The following SAV1 variants were observed in gnomAD, a reference collection of about 807,000 sequenced individuals.
The protein encoded by SAV1 is protein salvador homolog 1.
SAV1 carries 23 observed loss-of-function variants against 47.3 expected under a neutral mutation model. That is an observed-to-expected ratio of 0.49 (90% CI 0.35 to 0.69). The LOEUF is 0.69. Ranked by LOEUF, SAV1 falls within the 30% of genes least tolerant of loss-of-function variation. The pLI is 0.01. For synonymous variants in SAV1, 155 were observed against 159.2 expected, an observed-to-expected ratio of 0.97 and a Z score of 0.20; for missense variants, 448 against 457.4, an observed-to-expected ratio of 0.98 and a Z score of 0.19.
chr14:50,659,862 G>T (rs1404380018), intron 2 of SAV1, among the ~76,000 whole-genome samples: 1 of 152,010 alleles, frequency 6.6e-6, no homozygotes, highest in Non-Finnish European at 1.5e-5. Flanking sequence ...AAATAGAAGA[G>T]AAGAACAAGA....
At chr14:50,654,389 T>C (rs926286283) in intron 2 of SAV1, among the ~76,000 whole-genome samples, 1 of 152,232 alleles carries the variant, frequency 6.6e-6, no homozygotes, top group South Asian at 2.1e-4. Context: ...AAGCAACTCA[T>C]CTGTTCAAGT....
Position 50,640,804 on chromosome 14 carries a change from T to C in SAV1, c.896A>G (p.Tyr299Cys), listed in dbSNP as rs759533785. ...CCAGTCAGGAATTTCTGCAGTATGA[T>C]ATGGATTTGCAGGTACCAGAAGGGA... ...NQSLLVPANP[Y>C]HTAEIPDWLQ... Residue 299 changes from tyrosine to cysteine, a missense_variant, in exon 4 of 5, where the codon TAT becomes TGT. By Grantham distance (194) the Tyr-to-Cys change is radical. Coordinates refer to ENST00000324679, the MANE Select transcript of SAV1 (RefSeq NM_021818.4). 6.2e-7 allele frequency: 1 copy of C among 1,613,938 alleles called. No individual in the cohort carries two copies. Among genetic ancestry groups the C allele is most frequent in the Non-Finnish European group, 8.5e-7 (1 of 1,179,916 alleles).
Position 50,667,977 on chromosome 14 carries a change from C to T in SAV1, c.-10G>A. On this transcript the variant is annotated 5_prime_UTR_variant, in exon 1 of 5. Transcript: ENST00000324679. ...TCTTTCGGGACAGCATCCTTCTCGACGAGGCCCGAGGCCGCGCTGAACTGC... is the reference window on the plus strand; with the variant it reads ...TCTTTCGGGACAGCATCCTTCTCGATGAGGCCCGAGGCCGCGCTGAACTGC... 6.2e-7 allele frequency: 1 copy of T among 1,605,976 alleles called. No individual in the cohort carries two copies. The highest frequency in any genetic ancestry group is 8.5e-7 in the Non-Finnish European group (1 of 1,176,658).
Position 50,668,090 on chromosome 14 carries a change from C to T in SAV1, c.-123G>A. The T allele has an allele frequency of 1.9e-6, 1 of 529,194 alleles. No homozygotes were observed. Among genetic ancestry groups the T allele is most frequent in the Non-Finnish European group, 2.8e-6 (1 of 351,268 alleles). 32.8% of individuals were successfully genotyped at this position (529,194 alleles called of 1,614,324 possible). A position where few individuals can be genotyped will look rare whatever the true frequency, so the allele number is the denominator to read the frequency against. ...CTCCTTCCCTCCCGAGCCGCCGCCT[C>T]CGCCGCCGCCTGTCCGGAGCCCGGG... On this transcript the variant is annotated 5_prime_UTR_variant, in exon 1 of 5. Coordinates refer to ENST00000324679, the MANE Select transcript of SAV1 (RefSeq NM_021818.4).
chr14:50,662,503 A>T (rs995146962), intron 2 of SAV1: 7 of 152,188 alleles, frequency 4.6e-5, no homozygotes, highest in Non-Finnish European at 7.3e-5. Flanking sequence ...CTTGAATCTG[A>T]AAACGTATGC....
rs2039895690 is a variant in SAV1, at chr14:50,665,595, T to C, written c.119A>G (p.His40Arg). The C allele has an allele frequency of 1.9e-5, 30 of 1,609,944 alleles. No individual in the cohort carries two copies. The highest frequency in any genetic ancestry group is 2.2e-5 in the Non-Finnish European group (26 of 1,177,854). ...AGTTCGTCTTGGAATTGTTGGACCATGCCGGATGAATGAAGGCATAAGATC... is the reference window on the plus strand; with the variant it reads ...AGTTCGTCTTGGAATTGTTGGACCACGCCGGATGAATGAAGGCATAAGATC... Reference protein sequence around the residue: ...LRNLMPSFIRHGPTIPRRTDI... With the variant: ...LRNLMPSFIRRGPTIPRRTDI... Residue 40 changes from histidine (H) to arginine (R), a missense_variant, in exon 2 of 5, where the codon CAT becomes CGT. Coordinates refer to ENST00000324679, the MANE Select transcript of SAV1 (RefSeq NM_021818.4).
intron 1 of SAV1, among the ~76,000 whole-genome samples, chr14:50,666,117 CT>C (rs1362608596): frequency 6.6e-6 from 1 of 152,070 alleles, no homozygotes; most frequent in African/African-American, 2.4e-5. Flanking sequence ...AAGTGGATTC[CT>C]TTAAAAATTA....
intron 2 of SAV1, among the ~76,000 whole-genome samples, chr14:50,657,089 C>T (rs2039819578): frequency 6.8e-6 from 1 of 147,806 alleles, no homozygotes; most frequent in African/African-American, 2.5e-5. Flanking sequence ...GGCAGTGGCA[C>T]AATCTTGGCT....
chr14:50,667,340 G>A (rs1213707090), intron 1 of SAV1: 7 of 448,470 alleles, frequency 1.6e-5, no homozygotes, highest in Admixed American at 1.4e-4. Flanking sequence ...AGAGTGATGA[G>A]GCTTTGGGTG....
intron 4 of SAV1, among the ~76,000 whole-genome samples, chr14:50,640,498 C>T (rs1157346181): frequency 1.3e-5 from 2 of 152,166 alleles, no homozygotes; most frequent in African/African-American, 2.4e-5. Flanking sequence ...AAGTTTCTTA[C>T]TTGTATCCCT....
chr14:50,668,036 T>A lies in SAV1; in HGVS notation c.-69A>T. The A allele has an allele frequency of 8.4e-7, 1 of 1,193,714 alleles. No individual in the cohort carries two copies. The highest frequency in any genetic ancestry group is 2.1e-5 in the South Asian group (1 of 48,160). The allele number at this position is 1,193,714 out of a possible 1,614,324, so 73.9% of individuals were successfully genotyped here. A position where few individuals can be genotyped will look rare whatever the true frequency, so the allele number is the denominator to read the frequency against. ...GGCTCCGCGCCGGGCGCCGGCCGTC[T>A]CCGCCGCCACCTCCGCCGGCGCCGC... On this transcript the variant is annotated 5_prime_UTR_variant, in exon 1 of 5. It introduces an in-frame stop codon into an upstream open reading frame of the 5' UTR. Transcript: ENST00000324679.
rs920594835 is a variant in SAV1, at chr14:50,667,658, G to T, written c.94+216C>A. ...CTGTTATTTTTAGGGGGTGCTCTTG[G>T]GGGGGTTAGGCGCGGGGGGGACTAA... On this transcript the variant is annotated intron_variant, in intron 1 of 4. Coordinates refer to ENST00000324679, the MANE Select transcript of SAV1 (RefSeq NM_021818.4). Among the ~76,000 whole-genome samples the T allele has an allele frequency of 5.3e-5, 8 of 150,890 alleles. No individual in the cohort carries two copies. The South Asian group carries it at 1.5e-3, about 28-fold the overall frequency.
In SAV1 at chr14:50,665,544, G is replaced by C; in HGVS notation, c.170C>G (p.Pro57Arg). The change falls in exon 2 of 5, where the codon CCT (proline) becomes CGT (arginine). Residue 57 changes from proline (P) to arginine (R), a missense_variant. Coordinates refer to ENST00000324679, the MANE Select transcript of SAV1 (RefSeq NM_021818.4). ...RTDICLPDSS[P>R]NAFSTSGDVV... ...ATCTCCAGAAGTTGAAAAGGCATTA[G>C]GGCTTGAATCTGGAAGACAGATATC... 2 of 1,614,048 alleles carry C rather than the reference G, an allele frequency of 1.2e-6. No individual in the cohort carries two copies. The highest frequency in any genetic ancestry group is 8.5e-7 in the Non-Finnish European group (1 of 1,179,928).
chr14:50,640,503 A>T (rs941402750), intron 4 of SAV1, among the ~76,000 whole-genome samples: 3 of 152,230 alleles, frequency 2.0e-5, no homozygotes, highest in Non-Finnish European at 4.4e-5. Context: ...TCTTACTTGT[A>T]TCCCTAATAG....
chr14:50,640,453 C>G (rs1285078878), intron 4 of SAV1, among the ~76,000 whole-genome samples: 1 of 152,178 alleles, frequency 6.6e-6, no homozygotes, highest in Non-Finnish European at 1.5e-5. Flanking sequence ...TACTGTATCA[C>G]TTATTTACAA....
chr14:50,655,465 C>T (rs1159455310), intron 2 of SAV1, among the ~76,000 whole-genome samples: 1 of 151,122 alleles, frequency 6.6e-6, no homozygotes, highest in Non-Finnish European at 1.5e-5. Context: ...CTAGCCTCGT[C>T]CCCCAGGCTA....
intron 2 of SAV1, among the ~76,000 whole-genome samples, chr14:50,661,189 C>A (rs532257935): frequency 2.6e-5 from 4 of 152,308 alleles, no homozygotes; most frequent in Non-Finnish European, 4.4e-5. Flanking sequence ...GTGGTTTTCA[C>A]TTACATTTCC....
chr14:50,656,513 G>A (rs569917990), intron 2 of SAV1, among the ~76,000 whole-genome samples: 1 of 144,366 alleles, frequency 6.9e-6, no homozygotes, highest in East Asian at 2.0e-4. Flanking sequence ...CGCGATCTCC[G>A]CTCACTGCAA....
At chr14:50,667,270 C>T (rs890247290) in intron 1 of SAV1, 1 of 255,036 alleles carries the variant, frequency 3.9e-6, no homozygotes, top group Admixed American at 4.8e-5. Context: ...GAGTTGCCTT[C>T]TTGGAATCTC....
Sources: gnomAD v4.1 joint callset for allele counts (sites outside exome capture counted in the v4.1 genomes callset) on GRCh38, gnomAD v4.1.1 for gene constraint, MANE v1.5 for transcripts, NCBI Gene and HGNC (gene_info 2026-07-23, HGNC 2026-07-21) for gene names.